Variants in ETNK2 observed in about 807,000 individuals in gnomAD.
ETNK2 encodes ethanolamine kinase-like protein.
Under a neutral mutation model 46.2 loss-of-function variants are expected in ETNK2, and 33 were observed. The observed-to-expected ratio is 0.71, with a 90% CI of 0.54 to 0.96. The LOEUF (loss-of-function observed/expected upper bound fraction) is 0.96, where lower values mean the gene tolerates loss of function less well. Ranked by LOEUF, ETNK2 falls within the 40% of genes least tolerant of loss-of-function variation. The pLI is 0.00. For missense variants in ETNK2, 445 were observed against 509.7 expected, an observed-to-expected ratio of 0.87 and a Z score of 1.22; for synonymous variants, 194 against 209.0, an observed-to-expected ratio of 0.93 and a Z score of 0.62.
intron 2 of ETNK2, among the ~76,000 whole-genome samples, chr1:204,149,109 A>G (rs1657904267): frequency 6.6e-6 from 1 of 152,162 alleles, no homozygotes; most frequent in Admixed American, 6.5e-5. Context: ...CCTGGGCCCT[A>G]CACATCCAAG....
At chr1:204,142,764 T>G (rs1002586662) in intron 3 of ETNK2, 6 of 152,170 alleles carry the variant, frequency 3.9e-5, no homozygotes, top group African/African-American at 1.4e-4. Flanking sequence ...AGAAAGAGTA[T>G]TCAGTGACTG....
chr1:204,141,060 A>C lies in ETNK2; in HGVS notation c.784+255T>G, dbSNP rs1657505258. The C allele has an allele frequency of 9.1e-6, 5 of 549,264 alleles. No homozygotes were observed. The East Asian group carries it at 1.8e-4, about 20-fold the overall frequency. 34.0% of individuals were successfully genotyped at this position (549,264 alleles called of 1,614,324 possible). A position where few individuals can be genotyped will look rare whatever the true frequency, so the allele number is the denominator to read the frequency against. On this transcript the variant is annotated intron_variant, in intron 4 of 7. Coordinates refer to ENST00000367202, the MANE Select transcript of ETNK2 (RefSeq NM_018208.4). ...GGGCTGGTCTTGAATTCCTGGGCTT[A>C]AGCAATCCACATGCCTTGGCCTCCC...
chr1:204,142,650 G>C (rs933803765), intron 3 of ETNK2: 1 of 152,234 alleles, frequency 6.6e-6, no homozygotes, highest in Non-Finnish European at 1.5e-5. Flanking sequence ...TCTGTCCAGG[G>C]TAGCAAGAGC....
rs1477319727 is a variant in ETNK2, at chr1:204,151,720, G to A, written c.133C>T (p.Pro45Ser). 12 of 1,540,548 alleles carry A rather than the reference G, an allele frequency of 7.8e-6. No homozygotes were observed. Among genetic ancestry groups the A allele is most frequent in the Non-Finnish European group, 1.0e-5 (12 of 1,143,434 alleles). ...TACGCGACGGCGGCGGCCCTCGGGG[G>A]GCCCGGCGGCTCCCGGCAGCTGGCG... is the stretch of plus-strand genomic sequence containing the variant. ...ASASCREPPG[P>S]PRAAAVAYFG... Residue 45 changes from proline to serine, a missense_variant, in exon 1 of 8, where the codon CCC becomes TCC. By Grantham distance (74) the Pro-to-Ser change is moderately conservative. Coordinates refer to ENST00000367202, the MANE Select transcript of ETNK2 (RefSeq NM_018208.4). The surrounding 1 kb of genome is among the most constrained non-coding windows in gnomAD (Gnocchi z 8.0).
rs1658030420 is a variant in ETNK2 at position 204,152,023 on chromosome 1, C to G, written c.-171G>C. 1 of 567,768 alleles carries G rather than the reference C, an allele frequency of 1.8e-6. No individual in the cohort carries two copies. Among genetic ancestry groups the G allele is most frequent in the Non-Finnish European group, 2.6e-6 (1 of 385,544 alleles). The allele number at this position is 567,768 out of a possible 1,614,324, so 35.2% of individuals were successfully genotyped here. Reference sequence around the variant, plus strand: ...CCGCCGCCCACCGCCGACCCCGGAGCGCCGCGGCCCGCCGCGATTGTGACA... The same window carrying G: ...CCGCCGCCCACCGCCGACCCCGGAGGGCCGCGGCCCGCCGCGATTGTGACA... On this transcript the variant is annotated 5_prime_UTR_variant, in exon 1 of 8. Coordinates refer to ENST00000367202, the MANE Select transcript of ETNK2 (RefSeq NM_018208.4). The surrounding 1 kb of genome is among the most constrained non-coding windows in gnomAD (Gnocchi z 4.2).
Position 204,132,196 on chromosome 1 carries a change from C to T in ETNK2, c.1149G>A (p.Glu383=), listed in dbSNP as rs752493579. The T allele has an allele frequency of 5.1e-6, 8 of 1,572,566 alleles. No homozygotes were observed. The Admixed American group carries it at 7.5e-5, about 15-fold the overall frequency. The change falls in exon 8 of 8, where the codon GAG becomes GAA. Residue 383 remains glutamate, a synonymous_variant. Transcript: ENST00000367202. ...FKVKPQASAL[E]MPK ...ATGGGGTGGCTGGTCACTTTGGCAT[C>T]TCCAAGGCTGACGCTTGAGGCTTCA...
In ETNK2 at chr1:204,131,974, G is replaced by A; in HGVS notation, c.*210C>T. On this transcript the variant is annotated 3_prime_UTR_variant, in exon 8 of 8. Coordinates refer to ENST00000367202, the MANE Select transcript of ETNK2 (RefSeq NM_018208.4). The surrounding 1 kb of genome is among the most constrained non-coding windows in gnomAD (Gnocchi z 4.3). ...CCTGGTGGGGTGAAGGGGACCCCCGGAAGGGGGTCCTATCAGCCCCTCCAG... is the reference window on the plus strand; with the variant it reads ...CCTGGTGGGGTGAAGGGGACCCCCGAAAGGGGGTCCTATCAGCCCCTCCAG... 1 of 580,500 alleles carries A rather than the reference G, an allele frequency of 1.7e-6. No individual in the cohort carries two copies. The highest frequency in any genetic ancestry group is 3.1e-6 in the Non-Finnish European group (1 of 324,222). The allele number at this position is 580,500 out of a possible 1,614,324, so 36.0% of individuals were successfully genotyped here.
chr1:204,151,270 A>C lies in ETNK2; in HGVS notation c.258+325T>G. On this transcript the variant is annotated intron_variant, in intron 1 of 7. Transcript: ENST00000367202. The surrounding 1 kb of genome is among the most constrained non-coding windows in gnomAD (Gnocchi z 8.0). Reference sequence around the variant, plus strand: ...CCTCAGGTTTCAGAGCTGGCTGGGTACGCGCTTCTGGTCAGCGAGGGGCAC... The same window carrying C: ...CCTCAGGTTTCAGAGCTGGCTGGGTCCGCGCTTCTGGTCAGCGAGGGGCAC... The C allele has an allele frequency of 2.2e-6, 1 of 464,870 alleles. No individual in the cohort carries two copies. The highest frequency in any genetic ancestry group is 3.8e-6 in the Non-Finnish European group (1 of 262,098). The allele number at this position is 464,870 out of a possible 1,614,324, so 28.8% of individuals were successfully genotyped here. A position where few individuals can be genotyped will look rare whatever the true frequency, so the allele number is the denominator to read the frequency against.
At position 204,149,674 on chromosome 1, in the gene ETNK2, A is replaced by T. The variant is rs1193519643; in HGVS notation, c.518+29T>A. ...CCAAGCCCAAGGCCTGAAGAATAGT[A>T]GAGACAGAGGCCCTGGCACCCTCCT... On this transcript the variant is annotated intron_variant, in intron 2 of 7. Transcript: ENST00000367202. 4 of 1,551,158 alleles carry T rather than the reference A, an allele frequency of 2.6e-6. No homozygotes were observed. The Admixed American group carries it at 7.7e-5, about 30-fold the overall frequency.
Position 204,134,885 on chromosome 1 carries a change from C to T in ETNK2, c.1015-297G>A, listed in dbSNP as rs547473014. Among the ~76,000 whole-genome samples, 100 of 152,292 alleles carry T rather than the reference C, an allele frequency of 6.6e-4. 2 individuals carry two copies. Among genetic ancestry groups the T allele is most frequent in the Non-Finnish European group, 1.6e-4 (11 of 68,026 alleles). Reference sequence around the variant, plus strand: ...AGGAATTTTGGGGGGTTCCCACAACCTAAGCAGGACCCACACTCCACCTCT... The same window carrying T: ...AGGAATTTTGGGGGGTTCCCACAACTTAAGCAGGACCCACACTCCACCTCT... On this transcript the variant is annotated intron_variant, in intron 6 of 7. Transcript: ENST00000367202.
intron 5 of ETNK2, chr1:204,138,748 C>G (rs1031190021): frequency 6.6e-6 from 1 of 152,238 alleles, no homozygotes; most frequent in African/African-American, 2.4e-5. Context: ...CTGTGCTAGT[C>G]TGGGGACAGC....
chr1:204,147,020 A>G, intron 2 of ETNK2: 1 of 614,532 alleles, frequency 1.6e-6, no homozygotes, highest in Admixed American at 2.1e-5. Context: ...CAGGGAGCAG[A>G]AGGGCAGAGC....
chr1:204,148,762 G>T (rs971287178), intron 2 of ETNK2, among the ~76,000 whole-genome samples: 1 of 152,204 alleles, frequency 6.6e-6, no homozygotes, highest in African/African-American at 2.4e-5. Flanking sequence ...TGGCAGGTGA[G>T]GAAGCAAAGA....
At position 204,131,428 on chromosome 1, in the gene ETNK2, C is replaced by T. The variant is rs1434254084; in HGVS notation, c.*756G>A. ...AGACTGCTGGTTCTGGTTTTGGCCACCTCACCCTTGGCCACGTCCCCTCCG... is the reference window on the plus strand; with the variant it reads ...AGACTGCTGGTTCTGGTTTTGGCCATCTCACCCTTGGCCACGTCCCCTCCG... On this transcript the variant is annotated 3_prime_UTR_variant, in exon 8 of 8. Transcript: ENST00000367202. The surrounding 1 kb of genome is among the most constrained non-coding windows in gnomAD (Gnocchi z 4.3). The T allele has an allele frequency of 1.3e-5, 2 of 152,342 alleles. No homozygotes were observed. Among genetic ancestry groups the T allele is most frequent in the Non-Finnish European group, 2.9e-5 (2 of 68,188 alleles). 9.4% of individuals were successfully genotyped at this position (152,342 alleles called of 1,614,324 possible).
Position 204,141,364 on chromosome 1 carries a change from A to G in ETNK2, c.735T>C (p.Phe245=), listed in dbSNP as rs770425571. Residue 245 remains phenylalanine (F), a synonymous_variant, in exon 4 of 8, where the codon TTT becomes TTC. Coordinates refer to ENST00000367202, the MANE Select transcript of ETNK2 (RefSeq NM_018208.4). Reference sequence around the variant, plus strand: ...TCTTGCAGAGCAGGTCATTGTGACAAAACACCACAGGGGACTCCAGCTGGG... The same window carrying G: ...TCTTGCAGAGCAGGTCATTGTGACAGAACACCACAGGGGACTCCAGCTGGG... ...HLSQLESPVV[F]CHNDLLCKNI... 6.2e-7 allele frequency: 1 copy of G among 1,614,020 alleles called. No homozygotes were observed. Among genetic ancestry groups the G allele is most frequent in the South Asian group, 1.1e-5 (1 of 91,082 alleles).
chr1:204,146,592 G>C, intron 3 of ETNK2, 50 bp downstream of exon 3: 1 of 1,609,534 alleles, frequency 6.2e-7, no homozygotes, highest in Non-Finnish European at 8.5e-7. Flanking sequence ...AAAAGGATGG[G>C]GAAGGGAGAT....
chr1:204,142,200 A>T (rs541177047), intron 3 of ETNK2: 1 of 152,238 alleles, frequency 6.6e-6, no homozygotes, highest in East Asian at 1.9e-4. Flanking sequence ...AAAGCCTTCA[A>T]TGAAGAGCAT....
chr1:204,143,164 C>T (rs1426066920), intron 3 of ETNK2, among the ~76,000 whole-genome samples: 1 of 151,798 alleles, frequency 6.6e-6, no homozygotes, highest in East Asian at 1.9e-4. Flanking sequence ...TCTGTGCCGA[C>T]AGGTCTGCGT....
At position 204,134,372 on chromosome 1, in the gene ETNK2, T is replaced by C. The variant is rs1453323433; in HGVS notation, c.1088+143A>G. ...CATCCCCTGGGGATAGTGGCCCCGC[T>C]GGAGATGAGCTGGAACGGGGGCGAG... On this transcript the variant is annotated intron_variant, in intron 7 of 7. Coordinates refer to ENST00000367202, the MANE Select transcript of ETNK2 (RefSeq NM_018208.4). 15 of 875,392 alleles carry C rather than the reference T, an allele frequency of 1.7e-5. No homozygotes were observed. The East Asian group carries it at 3.5e-4, about 20-fold the overall frequency. The allele number at this position is 875,392 out of a possible 1,614,324, so 54.2% of individuals were successfully genotyped here.
Sources: allele counts gnomAD v4.1 joint callset (sites outside exome capture counted in the v4.1 genomes callset), GRCh38; gene constraint gnomAD v4.1.1; non-coding constraint Gnocchi (gnomAD v3.1); transcripts MANE v1.5; gene names NCBI Gene and HGNC (gene_info 2026-07-23, HGNC 2026-07-21).